ALCAM: variants seen among roughly 807,000 people sequenced by gnomAD.
The protein encoded by ALCAM is activated leukocyte cell adhesion molecule, also known as CD166 antigen.
A neutral mutation model predicts 70.9 loss-of-function variants in ALCAM; 30 were observed. The ratio of observed to expected loss-of-function variants is 0.42; its 90% CI spans 0.32 to 0.57. ALCAM has a LOEUF of 0.57. ALCAM is among the 20% of genes least tolerant of loss of function. ALCAM has a pLI of 0.11. For synonymous variants in ALCAM, 249 were observed against 242.5 expected, an observed-to-expected ratio of 1.03 and a Z score of -0.25; for missense variants, 591 against 695.1, an observed-to-expected ratio of 0.85 and a Z score of 1.68.
chr3:105,538,195 G>T (rs114594844), intron 6 of ALCAM, among the ~76,000 whole-genome samples: 1,754 of 152,194 alleles, frequency 0.012, 40 homozygotes, highest in African/African-American at 0.041. Context: ...AAATTTGATG[G>T]CATTGCTTCA....
At chr3:105,475,954 T>A (rs1938097070) in intron 1 of ALCAM, among the ~76,000 whole-genome samples, 1 of 151,992 alleles carries the variant, frequency 6.6e-6, no homozygotes, top group Non-Finnish European at 1.5e-5. Flanking sequence ...TATCTATAAC[T>A]GCTGTTATGT....
chr3:105,485,048 T>G (rs542552825), intron 1 of ALCAM, among the ~76,000 whole-genome samples: 1 of 152,242 alleles, frequency 6.6e-6, no homozygotes, highest in Admixed American at 6.5e-5. Context: ...GAATAACCTT[T>G]TATTCATTGT....
At chr3:105,475,094 G>C (rs1433728585) in intron 1 of ALCAM, among the ~76,000 whole-genome samples, 1 of 151,858 alleles carries the variant, frequency 6.6e-6, no homozygotes, top group Non-Finnish European at 1.5e-5. Flanking sequence ...AGTCCCTGCA[G>C]TGGCTGAAAA....
chr3:105,475,760 C>G (rs1167963736), intron 1 of ALCAM, among the ~76,000 whole-genome samples: 3 of 152,000 alleles, frequency 2.0e-5, no homozygotes, highest in Middle Eastern at 3.4e-3. Flanking sequence ...TAGCTTCTCC[C>G]AGTTTCTCAG....
chr3:105,530,050 C>T (rs1170063444), intron 3 of ALCAM, among the ~76,000 whole-genome samples: 1 of 151,956 alleles, frequency 6.6e-6, no homozygotes, highest in Non-Finnish European at 1.5e-5. Flanking sequence ...AATGTTTTGA[C>T]CTTTTTTTTC....
intron 3 of ALCAM, among the ~76,000 whole-genome samples, chr3:105,529,343 A>T (rs1939782889): frequency 6.6e-6 from 1 of 152,196 alleles, no homozygotes; most frequent in South Asian, 2.1e-4. Flanking sequence ...ATACTTGGTT[A>T]TGAATCTTTG....
intron 1 of ALCAM, among the ~76,000 whole-genome samples, chr3:105,453,846 GTTCA>G (rs1323060412): frequency 1.3e-5 from 2 of 152,136 alleles, no homozygotes; most frequent in Non-Finnish European, 2.9e-5. Context: ...GTGAATGGGA[GTTCA>G]TTCATGATTT....
intron 1 of ALCAM, among the ~76,000 whole-genome samples, chr3:105,434,080 T>C (rs1040817480): frequency 1.3e-5 from 2 of 152,174 alleles, no homozygotes; most frequent in African/African-American, 4.8e-5. Context: ...AAAGGTATCC[T>C]TGACATTAAG....
intron 2 of ALCAM, among the ~76,000 whole-genome samples, chr3:105,521,324 A>C (rs1939538313): frequency 6.6e-6 from 1 of 150,738 alleles, no homozygotes; most frequent in Admixed American, 6.6e-5. Context: ...AAAAAAAAAA[A>C]AAAAAAAAGT....
chr3:105,410,985 A>G (rs180811049), intron 1 of ALCAM, among the ~76,000 whole-genome samples: 1 of 152,200 alleles, frequency 6.6e-6, no homozygotes, highest in Non-Finnish European at 1.5e-5. Context: ...ATACTTGTGT[A>G]TACCATACTT....
intron 1 of ALCAM, among the ~76,000 whole-genome samples, chr3:105,456,352 T>A (rs1937535286): frequency 6.6e-6 from 1 of 152,208 alleles, no homozygotes; most frequent in Admixed American, 6.5e-5. Context: ...TGCATCAGAA[T>A]GGCTTCAAAA....
chr3:105,401,058 GACA>G (rs967090332), intron 1 of ALCAM, among the ~76,000 whole-genome samples: 9 of 152,162 alleles, frequency 5.9e-5, no homozygotes, highest in Non-Finnish European at 1.0e-4. Context: ...ACAAACTCTG[GACA>G]ATCAGAATTA....
At chr3:105,457,356 A>T (rs1301190461) in intron 1 of ALCAM, among the ~76,000 whole-genome samples, 1 of 152,090 alleles carries the variant, frequency 6.6e-6, no homozygotes, top group South Asian at 2.1e-4. Context: ...GAGCTAAATG[A>T]TGAGAACACA....
intron 6 of ALCAM, among the ~76,000 whole-genome samples, chr3:105,535,783 G>A (rs905018404): frequency 6.6e-6 from 1 of 151,966 alleles, no homozygotes; most frequent in African/African-American, 2.4e-5. Context: ...TAAAATTTTT[G>A]TGATACTGGC....
Position 105,524,822 on chromosome 3 carries a change from A to C in ALCAM, c.394+314A>C, listed in dbSNP as rs1483267117. On this transcript the variant is annotated intron_variant, in intron 3 of 15. Coordinates refer to ENST00000306107, the MANE Select transcript of ALCAM (RefSeq NM_001627.4). ...ATCTTAATTTTTACTGACATGTACA[A>C]ATAAGTGTTGTGTGATACATACATA... The C allele has an allele frequency of 2.7e-6, 3 of 1,097,172 alleles. No individual in the cohort carries two copies. In the African/African-American group the frequency reaches 4.8e-5, roughly 18 times the overall value. The allele number at this position is 1,097,172 out of a possible 1,614,324, so 68.0% of individuals were successfully genotyped here.
At chr3:105,453,855 T>C (rs1455674316) in intron 1 of ALCAM, among the ~76,000 whole-genome samples, 3 of 152,222 alleles carry the variant, frequency 2.0e-5, no homozygotes, top group Non-Finnish European at 2.9e-5. Context: ...AGTTCATTCA[T>C]GATTTGGCTC....
At chr3:105,389,322 T>C (rs1935740007) in intron 1 of ALCAM, among the ~76,000 whole-genome samples, 2 of 148,176 alleles carry the variant, frequency 1.3e-5, no homozygotes, top group Admixed American at 6.9e-5. Context: ...CGGAATGTGT[T>C]TTGAAACACA....
intron 1 of ALCAM, among the ~76,000 whole-genome samples, chr3:105,435,536 G>A (rs1258291724): frequency 6.6e-6 from 1 of 152,206 alleles, no homozygotes; most frequent in African/African-American, 2.4e-5. Flanking sequence ...GGTATTGGAA[G>A]ATTCATTTGT....
At chr3:105,496,884 G>A (rs903898933) in intron 1 of ALCAM, among the ~76,000 whole-genome samples, 5 of 150,982 alleles carry the variant, frequency 3.3e-5, no homozygotes, top group Non-Finnish European at 5.9e-5. Flanking sequence ...GTGGTGGAAC[G>A]TACAGAAAAG....
Sources: allele counts gnomAD v4.1 joint callset (sites outside exome capture counted in the v4.1 genomes callset), GRCh38; gene constraint gnomAD v4.1.1; transcripts MANE v1.5; gene names NCBI Gene and HGNC (gene_info 2026-07-23, HGNC 2026-07-21).